The following LRRC4C variants were observed in gnomAD, a reference collection of about 807,000 sequenced individuals.
The protein encoded by LRRC4C is leucine-rich repeat-containing protein 4C.
LRRC4C carries 5 observed loss-of-function variants against 33.6 expected under a neutral mutation model. The observed-to-expected ratio is 0.15, with a 90% CI of 0.08 to 0.31. The LOEUF (loss-of-function observed/expected upper bound fraction) is 0.31. Ranked by LOEUF, LRRC4C falls within the 10% of genes least tolerant of loss-of-function variation. The pLI, the probability that LRRC4C is intolerant of heterozygous loss-of-function variation, is 1.00. For synonymous variants in LRRC4C, 329 were observed against 302.0 expected, an observed-to-expected ratio of 1.09 and a Z score of -0.93; for missense variants, 560 against 796.7, an observed-to-expected ratio of 0.70 and a Z score of 3.58.
chr11:41,244,124 T>C (rs1948358010), intron 1 of LRRC4C, among the ~76,000 whole-genome samples: 1 of 151,958 alleles, frequency 6.6e-6, no homozygotes, highest in South Asian at 2.1e-4. Flanking sequence ...CTTTAGCAGT[T>C]TATTGGCCTT....
At chr11:41,125,439 A>C (rs1300155093) in intron 1 of LRRC4C, among the ~76,000 whole-genome samples, 1 of 152,212 alleles carries the variant, frequency 6.6e-6, no homozygotes, top group Non-Finnish European at 1.5e-5. Flanking sequence ...TGTCTGAAAC[A>C]ACACTAAGTA....
intron 2 of LRRC4C, among the ~76,000 whole-genome samples, chr11:40,864,754 A>G (rs926241541): frequency 1.3e-5 from 2 of 152,164 alleles, no homozygotes; most frequent in Admixed American, 6.5e-5. Flanking sequence ...AGGAGATATG[A>G]TATCTTTGTT....
At chr11:41,326,343 C>G (rs1016403216) in intron 1 of LRRC4C, among the ~76,000 whole-genome samples, 2 of 152,144 alleles carry the variant, frequency 1.3e-5, no homozygotes, top group Non-Finnish European at 2.9e-5. Context: ...AGACTGAAGG[C>G]TGCACTGTCA....
chr11:40,323,891 A>T (rs1945973880), intron 3 of LRRC4C, among the ~76,000 whole-genome samples: 1 of 152,206 alleles, frequency 6.6e-6, no homozygotes, highest in African/African-American at 2.4e-5. Context: ...GACTGAGGAG[A>T]ATCAAGGACA....
At chr11:40,794,467 C>A (rs1197593182) in intron 2 of LRRC4C, among the ~76,000 whole-genome samples, 2 of 147,714 alleles carry the variant, frequency 1.4e-5, no homozygotes, top group Non-Finnish European at 3.0e-5. Context: ...AGGAGATATA[C>A]TAGCCATCAA....
chr11:40,900,139 T>A (rs1045425552), intron 2 of LRRC4C, among the ~76,000 whole-genome samples: 2 of 152,168 alleles, frequency 1.3e-5, no homozygotes, highest in Non-Finnish European at 2.9e-5. Flanking sequence ...CCCTTCTTCA[T>A]GCTTATTTAC....
chr11:41,247,761 G>T (rs1948500492), intron 1 of LRRC4C, among the ~76,000 whole-genome samples: 1 of 152,116 alleles, frequency 6.6e-6, no homozygotes, highest in African/African-American at 2.4e-5. Context: ...AAATTCTCTG[G>T]CATATGCTAT....
intron 1 of LRRC4C, among the ~76,000 whole-genome samples, chr11:40,957,696 C>T (rs1959021928): frequency 1.3e-5 from 2 of 151,702 alleles, no homozygotes; most frequent in Non-Finnish European, 2.9e-5. Flanking sequence ...ATCCATTGCT[C>T]CTATCAAGGA....
chr11:40,572,727 A>T (rs1169824730), intron 3 of LRRC4C, among the ~76,000 whole-genome samples: 1 of 152,180 alleles, frequency 6.6e-6, no homozygotes, highest in Non-Finnish European at 1.5e-5. Context: ...TAGAACTGGA[A>T]CCACCAAGGT....
At chr11:40,673,802 T>C (rs1289215796) in intron 2 of LRRC4C, among the ~76,000 whole-genome samples, 1 of 152,200 alleles carries the variant, frequency 6.6e-6, no homozygotes, top group African/African-American at 2.4e-5. Context: ...TTTTAGCTCC[T>C]CATTACATGG....
chr11:41,062,221 A>G (rs1937834586), intron 1 of LRRC4C, among the ~76,000 whole-genome samples: 1 of 152,102 alleles, frequency 6.6e-6, no homozygotes. Context: ...CCCATTAGTT[A>G]TTTTTCCTTA....
intron 1 of LRRC4C, among the ~76,000 whole-genome samples, chr11:41,439,537 A>G (rs191783111): frequency 1.3e-5 from 2 of 151,936 alleles, no homozygotes; most frequent in Non-Finnish European, 2.9e-5. Flanking sequence ...CAAACATCCA[A>G]TTTTTTTTAT....
intron 1 of LRRC4C, among the ~76,000 whole-genome samples, chr11:41,233,227 G>A (rs926585643): frequency 6.6e-6 from 1 of 151,852 alleles, no homozygotes; most frequent in Non-Finnish European, 1.5e-5. Flanking sequence ...TGAGTCAAAA[G>A]GTTAAGAAAG....
At chr11:40,565,021 T>A (rs1051002252) in intron 3 of LRRC4C, among the ~76,000 whole-genome samples, 1 of 152,184 alleles carries the variant, frequency 6.6e-6, no homozygotes, top group African/African-American at 2.4e-5. Context: ...TGGGTTACAC[T>A]ATCTACCAAC....
intron 1 of LRRC4C, among the ~76,000 whole-genome samples, chr11:41,072,378 A>T (rs10837563): frequency 0.52 from 73,323 of 141,646 alleles, 18,836 homozygotes; most frequent in South Asian, 0.67. Context: ...TTAAAAAAAA[A>T]TTGTGATCTC....
At chr11:41,263,319 T>C (rs1949043496) in intron 1 of LRRC4C, among the ~76,000 whole-genome samples, 2 of 152,172 alleles carry the variant, frequency 1.3e-5, no homozygotes, top group Non-Finnish European at 2.9e-5. Flanking sequence ...ATTCAAGATT[T>C]GTGAACAAGT....
At chr11:40,210,978 T>A (rs984900710) in intron 5 of LRRC4C, among the ~76,000 whole-genome samples, 2 of 152,092 alleles carry the variant, frequency 1.3e-5, no homozygotes, top group Non-Finnish European at 1.5e-5. Flanking sequence ...GATTTCACCA[T>A]GTTGGCCAGG....
At position 41,019,397 on chromosome 11, in the gene LRRC4C, T is replaced by C. The variant is rs192378352; in HGVS notation, c.-495-85674A>G. Among the ~76,000 whole-genome samples the C allele has an allele frequency of 1.9e-3, 284 of 152,266 alleles. 1 individual carries two copies. The highest frequency in any genetic ancestry group is 6.3e-3 in the African/African-American group (264 of 41,576). On this transcript the variant is annotated intron_variant, in intron 1 of 6. Transcript: ENST00000528697. Reference sequence around the variant, plus strand: ...AGTATTCCATGGTGTATATGTACCATATTTTCTTTATCCAGTCTATCATTG... The same window carrying C: ...AGTATTCCATGGTGTATATGTACCACATTTTCTTTATCCAGTCTATCATTG...
intron 2 of LRRC4C, among the ~76,000 whole-genome samples, chr11:40,832,931 A>G (rs1952485675): frequency 6.6e-6 from 1 of 152,158 alleles, no homozygotes; most frequent in South Asian, 2.1e-4. Context: ...TTGTAGATAG[A>G]AAAACATGCA....
Sources: gnomAD v4.1 joint callset for allele counts (sites outside exome capture counted in the v4.1 genomes callset) on GRCh38, gnomAD v4.1.1 for gene constraint, MANE v1.5 for transcripts, NCBI Gene and HGNC (gene_info 2026-07-23, HGNC 2026-07-21) for gene names.